STX2: variants seen among roughly 807,000 people sequenced by gnomAD.
STX2 encodes the protein syntaxin-2.
In STX2, 27 loss-of-function variants were observed where a neutral mutation model predicts 40.6. That is an observed-to-expected ratio of 0.66 (90% CI 0.49 to 0.92). The LOEUF (loss-of-function observed/expected upper bound fraction) is 0.92, where lower values mean the gene tolerates loss of function less well. Ranked by LOEUF, STX2 falls within the 40% of genes least tolerant of loss-of-function variation. The pLI is 0.00. For synonymous variants in STX2, 123 were observed against 119.1 expected (o/e 1.03, Z -0.22); for missense variants, 328 against 366.1 (o/e 0.90, Z 0.85).
intron 4 of STX2, 31 bp downstream of exon 4, chr12:130,812,926 T>C: frequency 7.1e-7 from 1 of 1,417,674 alleles, no homozygotes; most frequent in African/African-American, 1.5e-5. Flanking sequence ...ACTCCCAACA[T>C]CAATAATTAA....
At position 130,789,926 on chromosome 12, in the gene STX2, T is replaced by C. The variant is rs1950835253; in HGVS notation, c.*2097A>G. 2.0e-5 allele frequency: 3 copies of C among 152,112 alleles called. No individual in the cohort carries two copies. Among genetic ancestry groups the C allele is most frequent in the Non-Finnish European group, 4.4e-5 (3 of 68,020 alleles). The allele number at this position is 152,112 out of a possible 1,614,324, so 9.4% of individuals were successfully genotyped here. ...GTAGGTACTGCAAATCTAAGAAGAA[T>C]AACTTGAAAAATACCATAATAAGTG... On this transcript the variant is annotated 3_prime_UTR_variant, in exon 11 of 11. Coordinates refer to ENST00000392373, the MANE Select transcript of STX2 (RefSeq NM_194356.4).
At chr12:130,817,418 A>G (rs1387132765) in intron 3 of STX2, among the ~76,000 whole-genome samples, 1 of 152,150 alleles carries the variant, frequency 6.6e-6, no homozygotes, top group Non-Finnish European at 1.5e-5. Context: ...ATATATAGAG[A>G]AAAAATGATG....
At chr12:130,806,416 T>C (rs974926993) in intron 6 of STX2, among the ~76,000 whole-genome samples, 6 of 152,168 alleles carry the variant, frequency 3.9e-5, no homozygotes, top group African/African-American at 1.4e-4. Flanking sequence ...GCAGCTGCAG[T>C]GGGACGTCCT....
chr12:130,836,059 G>C (rs1275068487), intron 1 of STX2, among the ~76,000 whole-genome samples: 1 of 132,068 alleles, frequency 7.6e-6, no homozygotes, highest in Non-Finnish European at 1.5e-5. Context: ...ACTTTACCTA[G>C]AAAAAAACAC....
intron 3 of STX2, among the ~76,000 whole-genome samples, chr12:130,816,371 G>C (rs1215579696): frequency 1.3e-5 from 2 of 151,082 alleles, no homozygotes; most frequent in East Asian, 1.9e-4. Flanking sequence ...CAGCAGGGGT[G>C]GGGGGCACTC....
At chr12:130,822,927 G>C (rs1443619891) in intron 2 of STX2, among the ~76,000 whole-genome samples, 2 of 152,234 alleles carry the variant, frequency 1.3e-5, no homozygotes, top group East Asian at 3.8e-4. Context: ...GCAGTAGATG[G>C]AGATCCAGCT....
intron 6 of STX2, among the ~76,000 whole-genome samples, chr12:130,801,846 AATGAGG>A (rs1951240307): frequency 6.6e-6 from 1 of 152,204 alleles, no homozygotes; most frequent in Non-Finnish European, 1.5e-5. Context: ...GCATGTATTA[AATGAGG>A]ATCAATAAAG....
chr12:130,833,059 C>G (rs1024495547), intron 1 of STX2, among the ~76,000 whole-genome samples: 1 of 152,164 alleles, frequency 6.6e-6, no homozygotes, highest in African/African-American at 2.4e-5. Flanking sequence ...CTGCAGGTTC[C>G]ACAAGAGCAA....
intron 9 of STX2, 46 bp from the exon 10 acceptor site, chr12:130,796,166 A>T: frequency 6.2e-7 from 1 of 1,610,702 alleles, no homozygotes; most frequent in Non-Finnish European, 8.5e-7. Context: ...GGTTAATTTC[A>T]TATTGCCACA....
chr12:130,826,376 G>A (rs572844547), intron 2 of STX2, among the ~76,000 whole-genome samples: 4 of 152,248 alleles, frequency 2.6e-5, no homozygotes, highest in Admixed American at 2.0e-4. Context: ...TCTCTTAAGG[G>A]GCGCCGCAGG....
In STX2 at chr12:130,790,811, G is replaced by A. The variant is rs1048455755; in HGVS notation, c.*1212C>T. On this transcript the variant is annotated 3_prime_UTR_variant, in exon 11 of 11. Coordinates refer to ENST00000392373, the MANE Select transcript of STX2 (RefSeq NM_194356.4). ...GTGAAAAGAGACCACGGTCTTTACA[G>A]TGCAGTAACCATTCATTATCCTGGG... The A allele has an allele frequency of 1.3e-5, 2 of 152,608 alleles. No homozygotes were observed. Among genetic ancestry groups the A allele is most frequent in the Non-Finnish European group, 2.9e-5 (2 of 68,036 alleles). The allele number at this position is 152,608 out of a possible 1,614,324, so 9.5% of individuals were successfully genotyped here.
At chr12:130,809,814 T>A (rs183970748) in intron 4 of STX2, among the ~76,000 whole-genome samples, 15 of 152,046 alleles carry the variant, frequency 9.9e-5, no homozygotes, top group Non-Finnish European at 1.9e-4. Flanking sequence ...CGAAACTCCA[T>A]CTCAAAAAAA....
At chr12:130,792,793 C>T (rs1414570436) in intron 10 of STX2, among the ~76,000 whole-genome samples, 1 of 152,186 alleles carries the variant, frequency 6.6e-6, no homozygotes, top group Non-Finnish European at 1.5e-5. Flanking sequence ...TTAAATATGA[C>T]AAATGTGTAA....
chr12:130,838,872 A>C, intron 1 of STX2, among the ~76,000 whole-genome samples, 198 bp downstream of exon 1: 1 of 131,126 alleles, frequency 7.6e-6, no homozygotes, highest in Non-Finnish European at 1.6e-5. Context: ...GACTCCCGGG[A>C]CCCCCGCCCT....
In STX2 at chr12:130,821,726, G is replaced by T; in HGVS notation, c.168C>A (p.Asn56Lys). Residue 56 changes from asparagine to lysine, a missense_variant, in exon 3 of 11, where the codon AAC (asparagine) becomes AAA (lysine). Asn to Lys is a moderately conservative substitution (Grantham distance 94, BLOSUM62 0). Coordinates refer to ENST00000392373, the MANE Select transcript of STX2 (RefSeq NM_194356.4). ...TTGGTGCAGAAAGAATGATGCTGTG[G>T]TTTTTCTTTACTTCTTCAACATATT... Reference protein sequence around the residue: ...ITQYVEEVKKNHSIILSAPNP... With the variant: ...ITQYVEEVKKKHSIILSAPNP... 6.2e-7 allele frequency: 1 copy of T among 1,613,736 alleles called. No individual in the cohort carries two copies. The highest frequency in any genetic ancestry group is 8.5e-7 in the Non-Finnish European group (1 of 1,179,692).
At chr12:130,818,185 A>AAAAAAAATATATATATATATATATAT in intron 3 of STX2, among the ~76,000 whole-genome samples, 5 of 70,530 alleles carry the variant, frequency 7.1e-5, no homozygotes, top group Non-Finnish European at 1.1e-4. Flanking sequence ...AAAAAAAAAA[A>AAAAAAAATATATATATATATATATAT]ATATATATAT....
At chr12:130,826,454 C>T (rs1225514034) in intron 2 of STX2, among the ~76,000 whole-genome samples, 2 of 152,200 alleles carry the variant, frequency 1.3e-5, no homozygotes, top group Non-Finnish European at 2.9e-5. Context: ...GGAGAAGTGG[C>T]CGCCCACCAG....
intron 1 of STX2, among the ~76,000 whole-genome samples, chr12:130,835,682 C>CA (rs1565942704): frequency 6.6e-6 from 1 of 152,172 alleles, no homozygotes; most frequent in African/African-American, 2.4e-5. Flanking sequence ...TGTCTCTCTG[C>CA]ACCCAGCACA....
rs1952813845 is a variant in STX2 at position 130,838,483 on chromosome 12, C to G, written c.30+587G>C. 2.6e-5 allele frequency among the ~76,000 whole-genome samples: 4 copies of G among 152,338 alleles called. 1 individual carries two copies. The South Asian group carries it at 6.2e-4, about 24-fold the overall frequency. On this transcript the variant is annotated intron_variant, in intron 1 of 10. Coordinates refer to ENST00000392373, the MANE Select transcript of STX2 (RefSeq NM_194356.4). ...AAGCAAACTACTGGGAGATCAGACACAAGCTGCTGTTCGCGCTCGCCCCAC... is the reference window on the plus strand; with the variant it reads ...AAGCAAACTACTGGGAGATCAGACAGAAGCTGCTGTTCGCGCTCGCCCCAC...
Sources: allele counts gnomAD v4.1 joint callset (sites outside exome capture counted in the v4.1 genomes callset), GRCh38; gene constraint gnomAD v4.1.1; transcripts MANE v1.5; gene names NCBI Gene and HGNC (gene_info 2026-07-23, HGNC 2026-07-21).